The following SP100 variants were observed in gnomAD, a reference collection of about 807,000 sequenced individuals.
SP100 encodes nuclear autoantigen Sp-100.
In SP100, 84 loss-of-function variants were observed where a neutral mutation model predicts 130.0. The ratio of observed to expected loss-of-function variants is 0.65; its 90% CI spans 0.54 to 0.77. SP100 has a LOEUF of 0.77. Among genes scored for constraint, SP100 ranks in the 30% least tolerant of loss-of-function variants. The probability of loss-of-function intolerance (pLI) is 0.00; values close to 1 mark genes in which losing one functional copy is unlikely to be tolerated. For synonymous variants in SP100, 331 were observed against 351.7 expected (o/e 0.94, Z 0.66); for missense variants, 978 against 1,052.2 (o/e 0.93, Z 0.97).
intron 8 of SP100, among the ~76,000 whole-genome samples, chr2:230,452,871 C>T (rs1224829546): frequency 1.6e-5 from 2 of 127,072 alleles, no homozygotes; most frequent in Admixed American, 1.8e-4. Flanking sequence ...TATATAAGAT[C>T]AGGTCATCTG....
chr2:230,544,820 C>A lies in SP100; in HGVS notation c.*1874C>A, dbSNP rs147809694. 1.1e-4 allele frequency among the ~76,000 whole-genome samples: 17 copies of A among 152,166 alleles called. No individual in the cohort carries two copies. The highest frequency in any genetic ancestry group is 4.1e-4 in the African/African-American group (17 of 41,446). ...CAAAAGAAGATACACATGCGGCCAA[C>A]AAGCATGTTTTAAAAGCTCAATATC... On this transcript the variant is annotated 3_prime_UTR_variant, in exon 29 of 29. Transcript: ENST00000340126.
chr2:230,514,946 A>T, intron 24 of SP100: 1 of 1,321,776 alleles, frequency 7.6e-7, no homozygotes, highest in Non-Finnish European at 1.0e-6. Context: ...TGAGCTCCAT[A>T]GAGATAGTGC....
At chr2:230,540,529 C>T (rs977123853) in intron 25 of SP100, among the ~76,000 whole-genome samples, 1 of 152,150 alleles carries the variant, frequency 6.6e-6, no homozygotes, top group African/African-American at 2.4e-5. Flanking sequence ...CATAGAGGCC[C>T]AACACTTTGT....
At chr2:230,491,187 C>A (rs570846810) in intron 17 of SP100, among the ~76,000 whole-genome samples, 1 of 152,310 alleles carries the variant, frequency 6.6e-6, no homozygotes, top group Admixed American at 6.5e-5. Flanking sequence ...CATTGACTGT[C>A]CCTTGGTGTA....
At chr2:230,456,471 C>T (rs564803223) in intron 8 of SP100, among the ~76,000 whole-genome samples, 28 of 152,280 alleles carry the variant, frequency 1.8e-4, no homozygotes, top group African/African-American at 6.3e-4. Context: ...ATTGGCAAAG[C>T]TTTATACTAT....
At position 230,416,264 on chromosome 2, in the gene SP100, C is replaced by G; in HGVS notation, c.-33C>G. ...CCGACTGAGGGGCTCAGAGGCCAGG[C>G]TCTGAGGCCCACGCAGGGCCTAGGG... On this transcript the variant is annotated 5_prime_UTR_variant, in exon 1 of 29. Transcript: ENST00000340126. 6.2e-7 allele frequency: 1 copy of G among 1,606,420 alleles called. No individual in the cohort carries two copies. The highest frequency in any genetic ancestry group is 2.2e-5 in the East Asian group (1 of 44,780).
At chr2:230,426,199 G>T (rs546565184) in intron 2 of SP100, among the ~76,000 whole-genome samples, 4 of 152,052 alleles carry the variant, frequency 2.6e-5, no homozygotes, top group East Asian at 1.9e-4. Context: ...CAAAGAACAA[G>T]TTCTGAGTTT....
chr2:230,431,008 G>C (rs1466866479), intron 2 of SP100, among the ~76,000 whole-genome samples: 1 of 152,206 alleles, frequency 6.6e-6, no homozygotes, highest in East Asian at 1.9e-4. Flanking sequence ...AACGTCTTAG[G>C]TGGGCTGGGC....
At chr2:230,449,965 G>C (rs76203360) in intron 7 of SP100, among the ~76,000 whole-genome samples, 7,474 of 152,282 alleles carry the variant, frequency 0.049, 626 homozygotes, top group African/African-American at 0.17. Flanking sequence ...CCAAAGAAGA[G>C]AGACAAACAA....
rs142448513 is a variant in SP100, at chr2:230,472,342, G to T, written c.1430-982G>T. ...ACTCAGGAGGCTGAGGCAGGAGAATGGCGTGAACCTTGGAGGCAGGTCTTG... is the reference window on the plus strand; with the variant it reads ...ACTCAGGAGGCTGAGGCAGGAGAATTGCGTGAACCTTGGAGGCAGGTCTTG... On this transcript the variant is annotated intron_variant, in intron 15 of 28. Coordinates refer to ENST00000340126, the MANE Select transcript of SP100 (RefSeq NM_001080391.2). Among the ~76,000 whole-genome samples the T allele has an allele frequency of 6.0e-3, 898 of 150,852 alleles. 8 individuals carry two copies. Among genetic ancestry groups the T allele is most frequent in the African/African-American group, 0.021 (840 of 40,910 alleles).
rs766727314 is a variant in SP100, at chr2:230,450,236, G to T, written c.801G>T (p.Pro267=). ...NGDAGREMPC[P]LPCDEESPEA... ...ATGCTGGAAGGGAGATGCCCTGCCC[G>T]TTGCCCTGTGATGAAGAAAGTAATT... Residue 267 remains proline, a synonymous_variant, in exon 8 of 29, where the codon CCG becomes CCT. Coordinates refer to ENST00000340126, the MANE Select transcript of SP100 (RefSeq NM_001080391.2). 60 of 1,612,874 alleles carry T rather than the reference G, an allele frequency of 3.7e-5. No individual in the cohort carries two copies. In the Admixed American group the frequency reaches 9.8e-4, roughly 26 times the overall value.
chr2:230,482,219 C>A (rs1007841983), intron 17 of SP100, among the ~76,000 whole-genome samples: 1 of 152,004 alleles, frequency 6.6e-6, no homozygotes. Context: ...CTCAGGTTAC[C>A]AAGATATTTT....
intron 2 of SP100, among the ~76,000 whole-genome samples, chr2:230,438,948 T>G (rs1259348767): frequency 6.6e-6 from 1 of 152,186 alleles, no homozygotes; most frequent in African/African-American, 2.4e-5. Flanking sequence ...ACAGCAGTTG[T>G]AATAGTTTAC....
chr2:230,473,884 GA>G (rs552935181), intron 16 of SP100, among the ~76,000 whole-genome samples: 1,861 of 133,620 alleles, frequency 0.014, 14 homozygotes, highest in South Asian at 0.037. Flanking sequence ...CCTTGTTCTT[GA>G]AAAAAAAAAA....
At chr2:230,468,771 T>C (rs184963741) in intron 13 of SP100, 45 of 239,834 alleles carry the variant, frequency 1.9e-4, no homozygotes, top group African/African-American at 1.0e-3. Context: ...TGAGCCAAGA[T>C]TGCACCACTG....
rs188325570 is a variant in SP100, at chr2:230,455,278, G to C, written c.820+5023G>C. ...AGGATTGCCTTATGTTGCCCAGGCA[G>C]GTCTCAAACTTCTGGGCTCAAGCAA... On this transcript the variant is annotated intron_variant, in intron 8 of 28. Transcript: ENST00000340126. Among the ~76,000 whole-genome samples the C allele has an allele frequency of 5.4e-4, 82 of 152,174 alleles. 3 individuals carry two copies. The Middle Eastern group carries it at 0.01, about 19-fold the overall frequency.
chr2:230,416,397 A>G, intron 1 of SP100, 69 bp downstream of exon 1: 6 of 1,356,042 alleles, frequency 4.4e-6, no homozygotes, highest in Non-Finnish European at 6.3e-6. Flanking sequence ...CCTTTAGTTC[A>G]GTTTGTGCCT....
intron 2 of SP100, among the ~76,000 whole-genome samples, chr2:230,420,145 G>A (rs1278117297): frequency 6.6e-6 from 1 of 152,212 alleles, no homozygotes; most frequent in Non-Finnish European, 1.5e-5. Flanking sequence ...TTTTAAAATT[G>A]TATTTGTAAA....
chr2:230,449,954 A>G (rs772327491), intron 7 of SP100, among the ~76,000 whole-genome samples: 1 of 152,234 alleles, frequency 6.6e-6, no homozygotes, highest in Non-Finnish European at 1.5e-5. Context: ...GCAGAGTCTC[A>G]CCAAAGAAGA....
Sources: gnomAD v4.1 joint callset for allele counts (sites outside exome capture counted in the v4.1 genomes callset) on GRCh38, gnomAD v4.1.1 for gene constraint, MANE v1.5 for transcripts, NCBI Gene and HGNC (gene_info 2026-07-23, HGNC 2026-07-21) for gene names.